Variants in TACC3 observed in about 807,000 individuals in gnomAD.
The protein encoded by TACC3 is transforming acidic coiled-coil containing protein 3.
A neutral mutation model predicts 86.0 loss-of-function variants in TACC3; 52 were observed. The observed-to-expected ratio is 0.60, with a 90% CI of 0.48 to 0.76. The LOEUF is 0.76. TACC3 is among the 30% of genes least tolerant of loss of function. The probability of loss-of-function intolerance (pLI) is 0.00; values close to 1 mark genes in which losing one functional copy is unlikely to be tolerated. For synonymous variants in TACC3, 512 were observed against 430.0 expected (o/e 1.19, Z -2.36); for missense variants, 1,120 against 1,070.4 (o/e 1.05, Z -0.65).
intron 10 of TACC3, 100 bp downstream of exon 10, chr4:1,737,802 CCAT>C (rs1560317633): frequency 8.5e-6 from 9 of 1,055,728 alleles, no homozygotes; most frequent in Non-Finnish European, 1.3e-5. Flanking sequence ...GCCATCCCTG[CCAT>C]CCCTGCCCCT....
intron 11 of TACC3, 43 bp from the exon 12 acceptor site, chr4:1,739,916 G>A (rs1341940474): frequency 6.2e-7 from 1 of 1,611,514 alleles, no homozygotes; most frequent in African/African-American, 1.3e-5. Flanking sequence ...TGGGACCGCT[G>A]GGCACCCGAG....
At position 1,744,509 on chromosome 4, in the gene TACC3, C is replaced by G; in HGVS notation, c.2224-9C>G. ...GTGGTACCCACAGCTAATGCCTGCC[C>G]CTTCCTAGAACGAAGAGTCACTGAA... On this transcript the variant is annotated splice_polypyrimidine_tract_variant and intron_variant, in intron 13 of 15. Transcript: ENST00000313288. The G allele has an allele frequency of 6.2e-7, 1 of 1,611,514 alleles. No individual in the cohort carries two copies. Among genetic ancestry groups the G allele is most frequent in the Non-Finnish European group, 8.5e-7 (1 of 1,178,956 alleles).
At chr4:1,729,461 G>GACAGGTT (rs1717893314) in intron 4 of TACC3, among the ~76,000 whole-genome samples, 1 of 152,188 alleles carries the variant, frequency 6.6e-6, no homozygotes, top group South Asian at 2.1e-4. Context: ...AAGGCAAGGG[G>GACAGGTT]ACAGGTTAAG....
In TACC3 at chr4:1,727,888, A is replaced by G; in HGVS notation, c.486A>G (p.Gly162=). ...LDCSSSSQSP[G]SSENQMVSPG... is the part of the protein sequence containing the mutation. ...GCTCAAGCTCTTCCCAGAGCCCAGG[A>G]AGTTCTGAGAACCAAATGGTGTCTC... The change falls in exon 4 of 16, where the codon GGA becomes GGG. Residue 162 remains glycine (G), a synonymous_variant. Transcript: ENST00000313288. 1 of 1,613,930 alleles carries G rather than the reference A, an allele frequency of 6.2e-7. No homozygotes were observed. Among genetic ancestry groups the G allele is most frequent in the Non-Finnish European group, 8.5e-7 (1 of 1,180,044 alleles).
intron 12 of TACC3, 139 bp downstream of exon 12, chr4:1,740,141 C>A: frequency 1.2e-6 from 1 of 821,510 alleles, no homozygotes; most frequent in Non-Finnish European, 1.9e-6. Flanking sequence ...TCAACATGGG[C>A]CCGGCCGTGG....
In TACC3 at chr4:1,731,153, ACT is replaced by A. The variant is rs1166202396; in HGVS notation, c.1462-16_1462-15del. On this transcript the variant is annotated splice_polypyrimidine_tract_variant and intron_variant, in intron 5 of 15. Transcript: ENST00000313288. Reference sequence around the variant, plus strand: ...TACCTTGACTGCACTGCACAGGGTGACTCTGCCCTTTCCTCCAGGAGAGAGCC... The same window carrying A: ...TACCTTGACTGCACTGCACAGGGTGACTGCCCTTTCCTCCAGGAGAGAGCC... 1.2e-6 allele frequency: 2 copies of A among 1,612,772 alleles called. No individual in the cohort carries two copies. The highest frequency in any genetic ancestry group is 1.7e-6 in the Non-Finnish European group (2 of 1,179,836).
upstream of TACC3, chr4:1,721,471 C>A (rs1436732271): frequency 2.0e-5 from 3 of 151,930 alleles, no homozygotes; most frequent in Non-Finnish European, 4.4e-5. Flanking sequence ...GCTGATTGGC[C>A]GCGCGAAGGC....
intron 4 of TACC3, among the ~76,000 whole-genome samples, chr4:1,729,970 C>T (rs571005235): frequency 2.6e-5 from 4 of 152,234 alleles, no homozygotes; most frequent in Admixed American, 6.5e-5. Flanking sequence ...ACACCTCTTC[C>T]GGTCACTTTC....
Position 1,728,083 on chromosome 4 carries a change from G to C in TACC3, c.681G>C (p.Glu227Asp). The change falls in exon 4 of 16, where the codon GAG becomes GAC. Residue 227 changes from glutamate (E) to aspartate (D), a missense_variant. Transcript: ENST00000313288. ...PHGAEEECKAETPHGAEEECR... is the reference protein window; with the variant it reads ...PHGAEEECKADTPHGAEEECR... ...GAGCCGAGGAAGAATGCAAAGCGGA[G>C]ACTCCGCACGGAGCCGAGGAGGAAT... 1 of 1,591,178 alleles carries C rather than the reference G, an allele frequency of 6.3e-7. No homozygotes were observed. The highest frequency in any genetic ancestry group is 8.5e-7 in the Non-Finnish European group (1 of 1,170,550).
chr4:1,744,072 C>T (rs1577228397), intron 13 of TACC3, among the ~76,000 whole-genome samples: 1 of 140,784 alleles, frequency 7.1e-6, no homozygotes, highest in Non-Finnish European at 1.6e-5. Flanking sequence ...GCGGAAGGTG[C>T]CCCCAGAGGG....
chr4:1,730,944 C>T lies in TACC3; in HGVS notation c.1443C>T (p.Thr481=). 1 of 1,613,440 alleles carries T rather than the reference C, an allele frequency of 6.2e-7. No individual in the cohort carries two copies. The highest frequency in any genetic ancestry group is 8.5e-7 in the Non-Finnish European group (1 of 1,180,026). Residue 481 remains threonine, a synonymous_variant, in exon 5 of 16, where the codon ACC becomes ACT. Coordinates refer to ENST00000313288, the MANE Select transcript of TACC3 (RefSeq NM_006342.3). Reference sequence around the variant, plus strand: ...CTGTGGTGCAGTTGGCAGCCGAGACCCCAACAGCAGAGAGCAAGGTAAGGG... The same window carrying T: ...CTGTGGTGCAGTTGGCAGCCGAGACTCCAACAGCAGAGAGCAAGGTAAGGG... ...DTPVVQLAAE[T]PTAESKERAL... is the part of the protein sequence containing the mutation.
At chr4:1,737,837 G>A (rs1718366201) in intron 10 of TACC3, 135 bp downstream of exon 10, 2 of 884,190 alleles carry the variant, frequency 2.3e-6, no homozygotes, top group Admixed American at 2.0e-5. Context: ...TGGAATTGCA[G>A]AGAGCTGCCG....
chr4:1,728,869 T>C (rs1315890612), intron 4 of TACC3, 82 bp downstream of exon 4: 2 of 1,364,244 alleles, frequency 1.5e-6, no homozygotes, highest in Non-Finnish European at 9.9e-7. Flanking sequence ...AGGCCAGAAG[T>C]GTCATCAGAT....
chr4:1,721,260 T>G, upstream of TACC3: 1 of 155,760 alleles, frequency 6.4e-6, no homozygotes, highest in Non-Finnish European at 1.4e-5. Flanking sequence ...CCCCGCCCAG[T>G]AGCGTCAGTT....
At chr4:1,726,607 G>A (rs1717701493) in intron 3 of TACC3, among the ~76,000 whole-genome samples, 1 of 152,126 alleles carries the variant, frequency 6.6e-6, no homozygotes, top group African/African-American at 2.4e-5. Context: ...TAGAATTCAG[G>A]GTCATTAAGT....
At chr4:1,737,350 G>A (rs1480533362) in intron 9 of TACC3, 22 bp downstream of exon 9, 4 of 1,603,874 alleles carry the variant, frequency 2.5e-6, no homozygotes, top group Admixed American at 1.7e-5. Flanking sequence ...AGTCCCTCTT[G>A]AACTGTCTTG....
At chr4:1,724,271 C>T (rs1168361910) in intron 3 of TACC3, among the ~76,000 whole-genome samples, 3 of 150,352 alleles carry the variant, frequency 2.0e-5, no homozygotes, top group Non-Finnish European at 3.0e-5. Flanking sequence ...CACGCCCGGC[C>T]GGCCTTGGCT....
chr4:1,723,289 G>A (rs1717509470), intron 1 of TACC3, 132 bp from the exon 2 acceptor site: 1 of 848,222 alleles, frequency 1.2e-6, no homozygotes, highest in Non-Finnish European at 1.9e-6. Context: ...CGTGTGGGAG[G>A]TGTGAGTTCC....
At chr4:1,722,393 C>A (rs1054594132) in intron 1 of TACC3, among the ~76,000 whole-genome samples, 7 of 152,216 alleles carry the variant, frequency 4.6e-5, no homozygotes, top group Non-Finnish European at 8.8e-5. Flanking sequence ...AAGCGTCGTC[C>A]GTAAGTCCCA....
Sources: allele counts gnomAD v4.1 joint callset (sites outside exome capture counted in the v4.1 genomes callset), GRCh38; gene constraint gnomAD v4.1.1; transcripts MANE v1.5; gene names NCBI Gene and HGNC (gene_info 2026-07-23, HGNC 2026-07-21).